Variants in MCC observed in about 807,000 individuals in gnomAD.
The protein encoded by MCC is colorectal mutant cancer protein.
MCC carries 90 observed loss-of-function variants against 116.2 expected under a neutral mutation model. The ratio of observed to expected loss-of-function variants is 0.77; its 90% confidence interval spans 0.65 to 0.92. The LOEUF (loss-of-function observed/expected upper bound fraction) is 0.92. Among genes scored for constraint, MCC ranks in the 40% least tolerant of loss-of-function variants. MCC has a pLI of 0.00. For missense variants in MCC, 1,516 were observed against 1,312.2 expected, an observed-to-expected ratio of 1.16 and a Z score of -2.40; for synonymous variants, 578 against 510.5, an observed-to-expected ratio of 1.13 and a Z score of -1.78.
chr5:113,246,102 A>G (rs371442024), intron 3 of MCC, among the ~76,000 whole-genome samples: 1 of 152,232 alleles, frequency 6.6e-6, no homozygotes, highest in East Asian at 1.9e-4. Context: ...TTTAGTTATA[A>G]AAGATGGCTT....
rs769373879 is a variant in MCC at position 113,083,050 on chromosome 5, T to A, written c.1636-42A>T. On this transcript the variant is annotated intron_variant, in intron 10 of 18. Coordinates refer to ENST00000408903, the MANE Select transcript of MCC (RefSeq NM_001085377.2). The stretch of plus-strand genomic sequence containing the variant: ...TAATTCCCCTTTGGAACATATCATT[T>A]CAGAGATGCATGTTTTGCATGCAAA... 4 of 1,571,744 alleles carry A rather than the reference T, an allele frequency of 2.5e-6. No homozygotes were observed. The East Asian group carries it at 9.0e-5, about 35-fold the overall frequency.
chr5:113,276,344 G>A (rs778398439), intron 3 of MCC, among the ~76,000 whole-genome samples: 1 of 152,094 alleles, frequency 6.6e-6, no homozygotes, highest in Non-Finnish European at 1.5e-5. Context: ...TATAGTCTTT[G>A]GATTATTTTA....
At chr5:113,446,006 C>G (rs904745588) in intron 1 of MCC, among the ~76,000 whole-genome samples, 3 of 152,156 alleles carry the variant, frequency 2.0e-5, no homozygotes, top group African/African-American at 7.2e-5. Context: ...GGAAAGGACT[C>G]TATTCAATAA....
intron 3 of MCC, among the ~76,000 whole-genome samples, chr5:113,262,325 A>C (rs1367216588): frequency 6.6e-6 from 1 of 152,182 alleles, no homozygotes; most frequent in African/African-American, 2.4e-5. Context: ...AAAGAAAAAA[A>C]AACAAGCGAA....
chr5:113,305,280 G>A (rs1766961697), intron 3 of MCC, among the ~76,000 whole-genome samples: 1 of 152,146 alleles, frequency 6.6e-6, no homozygotes, highest in South Asian at 2.1e-4. Flanking sequence ...TGTTTTGCAT[G>A]ATTATCACAT....
At chr5:113,349,093 A>G (rs1009154589) in intron 2 of MCC, among the ~76,000 whole-genome samples, 2 of 152,018 alleles carry the variant, frequency 1.3e-5, no homozygotes, top group African/African-American at 4.8e-5. Flanking sequence ...GCTGGGACCC[A>G]ATGGCTTCAC....
chr5:113,073,648 T>C (rs1370239815), intron 11 of MCC, among the ~76,000 whole-genome samples: 1 of 148,844 alleles, frequency 6.7e-6, no homozygotes, highest in Non-Finnish European at 1.5e-5. Context: ...CAGTTCGCCA[T>C]ATGGCTGCTT....
At position 113,365,600 on chromosome 5, in the gene MCC, C is replaced by G. The variant is rs540006547; in HGVS notation, c.415+19368G>C. 1.4e-4 allele frequency among the ~76,000 whole-genome samples: 22 copies of G among 152,280 alleles called. No individual in the cohort carries two copies. In the South Asian group the frequency reaches 4.6e-3, roughly 32 times the overall value. ...TTTCAGGTATCTTTATAGCAACACCCCACTACTTGGTACCAATTTTCTGTA... is the reference window on the plus strand; with the variant it reads ...TTTCAGGTATCTTTATAGCAACACCGCACTACTTGGTACCAATTTTCTGTA... On this transcript the variant is annotated intron_variant, in intron 2 of 18. Coordinates refer to ENST00000408903, the MANE Select transcript of MCC (RefSeq NM_001085377.2).
At chr5:113,097,433 T>C (rs1339639984) in intron 8 of MCC, among the ~76,000 whole-genome samples, 1 of 152,204 alleles carries the variant, frequency 6.6e-6, no homozygotes, top group African/African-American at 2.4e-5. Flanking sequence ...ATACAACATA[T>C]TACCATTATG....
intron 3 of MCC, among the ~76,000 whole-genome samples, chr5:113,296,056 C>A (rs1481313867): frequency 6.6e-6 from 1 of 152,162 alleles, no homozygotes; most frequent in Admixed American, 6.5e-5. Context: ...TTGTTGAGTT[C>A]ATTCATTGCC....
At chr5:113,216,739 CTA>C (rs1200578517) in intron 3 of MCC, among the ~76,000 whole-genome samples, 1 of 152,250 alleles carries the variant, frequency 6.6e-6, no homozygotes, top group Non-Finnish European at 1.5e-5. Flanking sequence ...TTTGACTTGC[CTA>C]TAGATGGGTG....
intron 1 of MCC, among the ~76,000 whole-genome samples, chr5:113,411,965 G>C (rs1429554608): frequency 6.6e-6 from 1 of 152,198 alleles, no homozygotes; most frequent in Non-Finnish European, 1.5e-5. Context: ...GTAAGGAAGG[G>C]ATCCAGTTTC....
At chr5:113,410,389 G>A (rs1304693651) in intron 1 of MCC, among the ~76,000 whole-genome samples, 1 of 152,104 alleles carries the variant, frequency 6.6e-6, no homozygotes, top group Non-Finnish European at 1.5e-5. Context: ...CTTCCATCAT[G>A]TATTTCTTAT....
At position 113,248,321 on chromosome 5, in the gene MCC, G is replaced by A. The variant is rs1446911320; in HGVS notation, c.627+92198C>T. The stretch of plus-strand genomic sequence containing the variant: ...CAGTAGTACAGTATTAAATGCCCAA[G>A]GAATCAAAGTAACAGAACACAGAAA... On this transcript the variant is annotated intron_variant, in intron 3 of 18. Transcript: ENST00000408903. Among the ~76,000 whole-genome samples, 8 of 151,496 alleles carry A rather than the reference G, an allele frequency of 5.3e-5. 1 individual carries two copies. Among genetic ancestry groups the A allele is most frequent in the Admixed American group, 5.3e-4 (8 of 15,220 alleles).
Position 113,385,214 on chromosome 5 carries a change from T to C in MCC, c.171-2A>G. On this transcript the variant is annotated splice_acceptor_variant, in intron 1 of 18. Coordinates refer to ENST00000408903, the MANE Select transcript of MCC (RefSeq NM_001085377.2). LOFTEE classifies it high-confidence loss of function. ...CGACAGACCATTAGCAAGTCATTTC[T>C]GCAGAAGGGGTTGAACAGAAGAAAA... The C allele has an allele frequency of 6.2e-7, 1 of 1,613,412 alleles. No individual in the cohort carries two copies. The highest frequency in any genetic ancestry group is 8.5e-7 in the Non-Finnish European group (1 of 1,179,392).
chr5:113,067,370 G>A lies in MCC; in HGVS notation c.2029+710C>T, dbSNP rs181124592. ...CATGTTTCAAAACTACTCAAAAGCC[G>A]GGCGCAGTGGCTCACGCATGTAATC... On this transcript the variant is annotated intron_variant, in intron 13 of 18. Coordinates refer to ENST00000408903, the MANE Select transcript of MCC (RefSeq NM_001085377.2). 2.5e-3 allele frequency among the ~76,000 whole-genome samples: 385 copies of A among 152,314 alleles called. 2 individuals carry two copies. Among genetic ancestry groups the A allele is most frequent in the African/African-American group, 8.8e-3 (365 of 41,568 alleles).
chr5:113,063,566 A>C (rs996537062), intron 14 of MCC, among the ~76,000 whole-genome samples: 3 of 152,214 alleles, frequency 2.0e-5, no homozygotes, highest in Admixed American at 1.3e-4. Flanking sequence ...TGATGTCTGG[A>C]ACTAGGATGA....
At chr5:113,041,061 C>T (rs1312443786) in intron 17 of MCC, among the ~76,000 whole-genome samples, 4 of 152,240 alleles carry the variant, frequency 2.6e-5, no homozygotes, top group Non-Finnish European at 5.9e-5. Context: ...TTCTGCGCAG[C>T]TTTTCTCTTC....
chr5:113,463,626 T>A (rs1271265516), intron 1 of MCC, among the ~76,000 whole-genome samples: 1 of 152,186 alleles, frequency 6.6e-6, no homozygotes, highest in Non-Finnish European at 1.5e-5. Flanking sequence ...GAATCCTGAA[T>A]CCATTGTTGG....
Sources: allele counts gnomAD v4.1 joint callset (sites outside exome capture counted in the v4.1 genomes callset), GRCh38; gene constraint gnomAD v4.1.1; transcripts MANE v1.5; gene names NCBI Gene and HGNC (gene_info 2026-07-23, HGNC 2026-07-21).